PRSS23: variants seen among roughly 807,000 people sequenced by gnomAD.
PRSS23 encodes protease, serine 23.
A neutral mutation model predicts 34.7 loss-of-function variants in PRSS23; 25 were observed. That is an observed-to-expected ratio of 0.72 (90% CI 0.53 to 1.01). The LOEUF (loss-of-function observed/expected upper bound fraction) is 1.01, where lower values mean the gene tolerates loss of function less well. Among genes scored for constraint, PRSS23 ranks in the 50% least tolerant of loss-of-function variants. The pLI, the probability that PRSS23 is intolerant of heterozygous loss-of-function variation, is 0.00. For missense variants in PRSS23, 445 were observed against 475.6 expected (o/e 0.94, Z 0.60); for synonymous variants, 176 against 186.6 (o/e 0.94, Z 0.46).
chr11:86,893,293 C>A (rs914512587), intron 2 of PRSS23, among the ~76,000 whole-genome samples: 5 of 152,202 alleles, frequency 3.3e-5, no homozygotes, highest in African/African-American at 7.2e-5. Flanking sequence ...TTCTAAGCCA[C>A]CCAGTTTGTG....
intron 2 of PRSS23, among the ~76,000 whole-genome samples, chr11:86,925,576 A>G (rs1039251117): frequency 6.6e-6 from 1 of 152,108 alleles, no homozygotes; most frequent in Admixed American, 6.5e-5. Flanking sequence ...GGCCCTCCTG[A>G]CCCTTCTTGA....
intron 2 of PRSS23, among the ~76,000 whole-genome samples, chr11:86,865,982 A>T (rs1201055824): frequency 1.3e-5 from 2 of 152,160 alleles, no homozygotes; most frequent in Non-Finnish European, 2.9e-5. Context: ...CATTTTACAG[A>T]TGGGGATGTC....
intron 2 of PRSS23, chr11:86,949,570 C>G (rs4944641): frequency 0.99 from 151,038 of 152,776 alleles, 74,765 homozygotes; most frequent in Middle Eastern, 1. Context: ...ATGATTAGAA[C>G]GCCTAAGGCA....
chr11:86,807,480 C>T (rs1459608928), intron 1 of PRSS23, among the ~76,000 whole-genome samples, 151 bp from the exon 2 acceptor site: 1 of 152,190 alleles, frequency 6.6e-6, no homozygotes, highest in Non-Finnish European at 1.5e-5. Flanking sequence ...GAAAGTGAGA[C>T]CGTTATCTAA....
In PRSS23 at chr11:86,847,466, T is replaced by C. The variant is rs373387962; in HGVS notation, c.206+23873T>C. Reference sequence around the variant, plus strand: ...TCCTGCCAGTAAGCATGGTTAAATCTGGTAGATGGAGAGCTCAGGAAAAGC... The same window carrying C: ...TCCTGCCAGTAAGCATGGTTAAATCCGGTAGATGGAGAGCTCAGGAAAAGC... On this transcript the variant is annotated intron_variant, in intron 2 of 2. Coordinates refer to the PRSS23 transcript ENST00000533902. 2.8e-4 allele frequency among the ~76,000 whole-genome samples: 43 copies of C among 152,300 alleles called. No individual in the cohort carries two copies. In the East Asian group the frequency reaches 6.4e-3, roughly 23 times the overall value.
intron 2 of PRSS23, among the ~76,000 whole-genome samples, chr11:86,867,425 G>A (rs1948656924): frequency 6.6e-6 from 1 of 152,204 alleles, no homozygotes; most frequent in Admixed American, 6.5e-5. Context: ...AGAACAGAGT[G>A]TCATAAGGAC....
At chr11:86,855,599 G>A (rs537539252) in intron 2 of PRSS23, among the ~76,000 whole-genome samples, 147 of 152,234 alleles carry the variant, frequency 9.7e-4, no homozygotes, top group Non-Finnish European at 1.6e-3. Context: ...AGTTTCAAGC[G>A]ATTCTGCTGC....
chr11:86,800,611 C>T lies in PRSS23; in HGVS notation c.-54C>T, dbSNP rs1168927043. The T allele has an allele frequency of 3.0e-6, 3 of 984,994 alleles. No individual in the cohort carries two copies. Among genetic ancestry groups the T allele is most frequent in the African/African-American group, 3.5e-5 (2 of 57,178 alleles). 61.0% of individuals were successfully genotyped at this position (984,994 alleles called of 1,614,324 possible). A position where few individuals can be genotyped will look rare whatever the true frequency, so the allele number is the denominator to read the frequency against. ...CTCCCGGCGCCCACACCTGTCTGAGCGGCGCAGCGAGCCGCGGCCCGGGCG... is the reference window on the plus strand; with the variant it reads ...CTCCCGGCGCCCACACCTGTCTGAGTGGCGCAGCGAGCCGCGGCCCGGGCG... On this transcript the variant is annotated 5_prime_UTR_variant, in exon 1 of 2. Coordinates refer to ENST00000280258, the MANE Select transcript of PRSS23 (RefSeq NM_007173.6).
At chr11:86,834,827 G>C (rs576969230) in intron 2 of PRSS23, among the ~76,000 whole-genome samples, 7 of 152,114 alleles carry the variant, frequency 4.6e-5, no homozygotes, top group African/African-American at 1.2e-4. Flanking sequence ...TCTAGTGCCC[G>C]AGTAAGGGCT....
intron 2 of PRSS23, among the ~76,000 whole-genome samples, chr11:86,897,488 T>C (rs1948884510): frequency 6.6e-6 from 1 of 152,206 alleles, no homozygotes; most frequent in Admixed American, 6.5e-5. Context: ...CTTATTTAAT[T>C]GAGATACAAA....
chr11:86,923,822 A>G (rs2135006356), intron 2 of PRSS23, among the ~76,000 whole-genome samples: 1 of 152,326 alleles, frequency 6.6e-6, no homozygotes, highest in South Asian at 2.1e-4. Context: ...CTTGTAAGTG[A>G]CAGAACTGGC....
At chr11:86,827,739 A>G (rs1052039819) in intron 2 of PRSS23, among the ~76,000 whole-genome samples, 1 of 152,014 alleles carries the variant, frequency 6.6e-6, no homozygotes, top group Non-Finnish European at 1.5e-5. Context: ...TTCTGCCTTC[A>G]TTTCGTTATG....
At chr11:86,802,331 G>T (rs990450821) in intron 1 of PRSS23, among the ~76,000 whole-genome samples, 4 of 152,194 alleles carry the variant, frequency 2.6e-5, no homozygotes, top group African/African-American at 9.7e-5. Context: ...TGTGTTTAGG[G>T]TTGCTTGGAC....
At chr11:86,950,611 C>G (rs761689986) in intron 2 of PRSS23, 1 of 182,490 alleles carries the variant, frequency 5.5e-6, no homozygotes, top group Non-Finnish European at 1.2e-5. Flanking sequence ...CAGCAGACAG[C>G]GCACCACAGA....
At chr11:86,821,456 T>G in intron 1 of PRSS23, 1 of 1,595,874 alleles carries the variant, frequency 6.3e-7, no homozygotes, top group Non-Finnish European at 8.6e-7. Flanking sequence ...GTGTCTGGTA[T>G]AGGCTATAGC....
chr11:86,937,090 G>A (rs1449017013), intron 2 of PRSS23: 1 of 152,148 alleles, frequency 6.6e-6, no homozygotes, highest in Non-Finnish European at 1.5e-5. Flanking sequence ...GCTGGATTAC[G>A]AACCTCTCTA....
chr11:86,917,696 G>A (rs1022039770), intron 2 of PRSS23, among the ~76,000 whole-genome samples: 6 of 152,162 alleles, frequency 3.9e-5, no homozygotes, highest in Admixed American at 3.9e-4. Context: ...TCCCACAGTG[G>A]CTGTGTCCCA....
intron 2 of PRSS23, among the ~76,000 whole-genome samples, chr11:86,904,815 A>C (rs1177514299): frequency 2.0e-5 from 3 of 151,924 alleles, no homozygotes; most frequent in African/African-American, 7.3e-5. Flanking sequence ...TGGGAGTCTG[A>C]GGCAGGAGGA....
chr11:86,932,445 C>T (rs996348683), intron 2 of PRSS23, among the ~76,000 whole-genome samples: 1 of 152,120 alleles, frequency 6.6e-6, no homozygotes, highest in Admixed American at 6.5e-5. Flanking sequence ...GAAGAGTTTG[C>T]TGGGGGCTGA....
Sources: allele counts gnomAD v4.1 joint callset (sites outside exome capture counted in the v4.1 genomes callset), GRCh38; gene constraint gnomAD v4.1.1; transcripts MANE v1.5; gene names NCBI Gene and HGNC (gene_info 2026-07-23, HGNC 2026-07-21).